The following MYO10 variants were observed in gnomAD, a reference collection of about 807,000 sequenced individuals.
MYO10 encodes myosin X.
A neutral mutation model predicts 257.3 loss-of-function variants in MYO10; 133 were observed. The ratio of observed to expected loss-of-function variants is 0.52; its 90% CI spans 0.45 to 0.60. The LOEUF is 0.60. Ranked by LOEUF, MYO10 falls within the 20% of genes least tolerant of loss-of-function variation. The pLI, the probability that MYO10 is intolerant of heterozygous loss-of-function variation, is 0.00. For missense variants in MYO10, 2,399 were observed against 2,635.7 expected (o/e 0.91, Z 1.97); for synonymous variants, 1,104 against 1,028.6 (o/e 1.07, Z -1.40).
At chr5:16,761,142 C>T (rs989022697) in intron 17 of MYO10, among the ~76,000 whole-genome samples, 2 of 152,106 alleles carry the variant, frequency 1.3e-5, no homozygotes, top group African/African-American at 4.8e-5. Context: ...AGGTGCCTGC[C>T]ACCATGCTTG....
At chr5:16,907,253 G>A (rs1336557106) in intron 1 of MYO10, among the ~76,000 whole-genome samples, 1 of 152,074 alleles carries the variant, frequency 6.6e-6, no homozygotes, top group Non-Finnish European at 1.5e-5. Flanking sequence ...TTTATTAAAT[G>A]TTGGAGCCAG....
At chr5:16,858,365 G>A (rs1302523123) in intron 2 of MYO10, among the ~76,000 whole-genome samples, 1 of 150,896 alleles carries the variant, frequency 6.6e-6, no homozygotes. Context: ...CTTTACACAG[G>A]AATGCTGTGT....
chr5:16,933,971 C>T lies in MYO10; in HGVS notation c.21+1817G>A, dbSNP rs547308028. On this transcript the variant is annotated intron_variant, in intron 1 of 40. Coordinates refer to ENST00000513610, the MANE Select transcript of MYO10 (RefSeq NM_012334.3). ...GCTCTGGATTCGTGAACAAGCTCTT[C>T]AAAGCTGGGCAAGGGACTTACTCAT... Among the ~76,000 whole-genome samples the T allele has an allele frequency of 3.3e-4, 51 of 152,312 alleles. No homozygotes were observed. In the South Asian group the frequency reaches 0.01, roughly 31 times the overall value.
intron 1 of MYO10, among the ~76,000 whole-genome samples, chr5:16,912,180 T>A (rs139040504): frequency 1.3e-5 from 2 of 152,342 alleles, no homozygotes; most frequent in Non-Finnish European, 2.9e-5. Context: ...TTGGACACCC[T>A]GATCTAAAGA....
rs920707276 is a variant in MYO10 at position 16,936,090 on chromosome 5, G to A, written c.-282C>T. On this transcript the variant is annotated 5_prime_UTR_variant, in exon 1 of 41. Transcript: ENST00000513610. ...GCTCGCAAGCGGAGAACAGCTGGTG[G>A]CACATTCTTCCCCCAGGCGGGGGAA... is the stretch of plus-strand genomic sequence containing the variant. 3.5e-4 allele frequency: 159 copies of A among 459,048 alleles called. No homozygotes were observed. Among genetic ancestry groups the A allele is most frequent in the African/African-American group, 3.2e-3 (156 of 48,520 alleles). 28.4% of individuals were successfully genotyped at this position (459,048 alleles called of 1,614,324 possible).
intron 35 of MYO10, 55 bp from the exon 36 acceptor site, chr5:16,673,944 G>A (rs1736599490): frequency 1.3e-6 from 2 of 1,527,006 alleles, no homozygotes; most frequent in African/African-American, 1.4e-5. Flanking sequence ...TGGCTGCTGG[G>A]AGGAACTAGG....
chr5:16,772,751 A>G (rs1006202975), intron 9 of MYO10, among the ~76,000 whole-genome samples: 6 of 152,240 alleles, frequency 3.9e-5, no homozygotes, highest in African/African-American at 1.2e-4. Flanking sequence ...TATTCAACGG[A>G]ATACCAAAAA....
rs2126461685 is a variant in MYO10, at chr5:16,670,775, C to T, written c.5634G>A (p.Glu1878=). Residue 1878 remains glutamate (E), a synonymous_variant, in exon 39 of 41, where the codon GAG becomes GAA. Coordinates refer to ENST00000513610, the MANE Select transcript of MYO10 (RefSeq NM_012334.3). ...CCTCTAGGAAGCTCGTCCGCCTCTTCTCCAGCCGTTCACAAGGGGTGAAGG... is the reference window on the plus strand; with the variant it reads ...CCTCTAGGAAGCTCGTCCGCCTCTTTTCCAGCCGTTCACAAGGGGTGAAGG... ...TKTFTPCERL[E]KRRTSFLEGT... The T allele has an allele frequency of 6.2e-7, 1 of 1,613,984 alleles. No homozygotes were observed. Among genetic ancestry groups the T allele is most frequent in the East Asian group, 2.2e-5 (1 of 44,890 alleles).
chr5:16,795,291 T>C (rs1560988925), intron 3 of MYO10, among the ~76,000 whole-genome samples: 1 of 152,204 alleles, frequency 6.6e-6, no homozygotes, highest in Non-Finnish European at 1.5e-5. Flanking sequence ...GCAGAGTTTC[T>C]ATTTAGGGTG....
At chr5:16,798,653 C>T (rs1742035113) in intron 3 of MYO10, among the ~76,000 whole-genome samples, 1 of 152,134 alleles carries the variant, frequency 6.6e-6, no homozygotes, top group Admixed American at 6.6e-5. Flanking sequence ...GTTTAAAATG[C>T]CATGTTTGTT....
chr5:16,803,677 A>G (rs1170182462), intron 3 of MYO10, among the ~76,000 whole-genome samples: 1 of 152,220 alleles, frequency 6.6e-6, no homozygotes, highest in African/African-American at 2.4e-5. Context: ...ACCAAAACTC[A>G]ATAATCTGAA....
chr5:16,921,985 C>T (rs983458489), intron 1 of MYO10, among the ~76,000 whole-genome samples: 1 of 152,130 alleles, frequency 6.6e-6, no homozygotes. Context: ...GAGGCTGAGG[C>T]AGGTGGATCA....
intron 19 of MYO10, among the ~76,000 whole-genome samples, chr5:16,747,937 A>AAG (rs1553991877): frequency 4.9e-5 from 6 of 123,000 alleles, no homozygotes; most frequent in African/African-American, 1.4e-4. Context: ...AAAAAAAAAA[A>AAG]AAAAAAAAAG....
rs566548771 is a variant in MYO10, at chr5:16,684,980, A to G, written c.3990+758T>C. 9.2e-5 allele frequency among the ~76,000 whole-genome samples: 14 copies of G among 151,952 alleles called. No individual in the cohort carries two copies. The South Asian group carries it at 2.1e-3, about 23-fold the overall frequency. On this transcript the variant is annotated intron_variant, in intron 29 of 40. Coordinates refer to ENST00000513610, the MANE Select transcript of MYO10 (RefSeq NM_012334.3). The stretch of plus-strand genomic sequence containing the variant: ...GAGAATTGCTTGAACCTGGAGGCGG[A>G]GGTTGCAGTGAACTGAGATCTCGCC...
intron 29 of MYO10, among the ~76,000 whole-genome samples, chr5:16,684,818 A>G (rs1737170630): frequency 6.6e-6 from 1 of 152,166 alleles, no homozygotes; most frequent in Non-Finnish European, 1.5e-5. Flanking sequence ...AGGCTGAGGC[A>G]TGTGGATTGC....
intron 3 of MYO10, among the ~76,000 whole-genome samples, chr5:16,802,582 G>A (rs969935595): frequency 4.0e-5 from 6 of 150,532 alleles, no homozygotes; most frequent in African/African-American, 1.2e-4. Context: ...GCATGAACCC[G>A]GGAGGCAGAG....
intron 11 of MYO10, 147 bp downstream of exon 11, chr5:16,765,933 T>C: frequency 1.6e-6 from 1 of 633,368 alleles, no homozygotes; most frequent in Non-Finnish European, 2.8e-6. Context: ...GTATCTTCTT[T>C]ATTTTTATCA....
chr5:16,829,902 C>T (rs568933206), intron 2 of MYO10, among the ~76,000 whole-genome samples: 3 of 137,568 alleles, frequency 2.2e-5, no homozygotes, highest in South Asian at 2.3e-4. Context: ...CACACACACA[C>T]GCACACGCAC....
At chr5:16,866,014 A>AACACACAC (rs34718010) in intron 2 of MYO10, among the ~76,000 whole-genome samples, 1,793 of 136,526 alleles carry the variant, frequency 0.013, 34 homozygotes, top group African/African-American at 0.044. Context: ...TATTTACCCA[A>AACACACAC]ACACACACAC....
Sources: gnomAD v4.1 joint callset for allele counts (sites outside exome capture counted in the v4.1 genomes callset) on GRCh38, gnomAD v4.1.1 for gene constraint, MANE v1.5 for transcripts, NCBI Gene and HGNC (gene_info 2026-07-23, HGNC 2026-07-21) for gene names.